ADGRB2: variants seen among roughly 807,000 people sequenced by gnomAD.
ADGRB2 encodes adhesion G protein-coupled receptor B2.
A neutral mutation model predicts 178.7 loss-of-function variants in ADGRB2; 47 were observed. The observed-to-expected ratio is 0.26, with a 90% CI of 0.21 to 0.34. The LOEUF (loss-of-function observed/expected upper bound fraction) is 0.34. Among genes scored for constraint, ADGRB2 ranks in the 10% least tolerant of loss-of-function variants. ADGRB2 has a pLI of 1.00. For missense variants in ADGRB2, 1,584 were observed against 2,180.8 expected, an observed-to-expected ratio of 0.73 and a Z score of 5.45; for synonymous variants, 870 against 912.4, an observed-to-expected ratio of 0.95 and a Z score of 0.84.
rs1645248160 is a variant in ADGRB2, at chr1:31,730,906, G to A, written c.4274C>T (p.Pro1425Leu). The change falls in exon 29 of 33, where the codon CCG (proline) becomes CTG (leucine). Residue 1425 changes from proline to leucine, a missense_variant. Coordinates refer to ENST00000373658, the MANE Select transcript of ADGRB2 (RefSeq NM_001364857.2). ...GCGGGCGCTGGGTGTCGGCGGTGGC[G>A]GTTGGAAGGTCATTCCATAGGGATT... ...LQNPYGMTFQ[P>L]PPPTPSARQV... The A allele has an allele frequency of 1.7e-5, 27 of 1,580,076 alleles. No homozygotes were observed. The highest frequency in any genetic ancestry group is 1.7e-4 in the Middle Eastern group (1 of 5,920).
chr1:31,736,630 C>G lies in ADGRB2; in HGVS notation c.3073G>C (p.Val1025Leu). 6.2e-7 allele frequency: 1 copy of G among 1,614,146 alleles called. No homozygotes were observed. Among genetic ancestry groups the G allele is most frequent in the Non-Finnish European group, 8.5e-7 (1 of 1,179,994 alleles). ...LTEAWQSYLA[V>L]IGRMRTRLVR... ...AGGCGGGTGCGCATCCGCCCAATGA[C>G]AGCCAGGTAGGACTGCCAGGCCTCG... Residue 1025 changes from valine (V) to leucine (L), a missense_variant, in exon 21 of 33, where the codon GTC (valine) becomes CTC (leucine). Physicochemically the swap from Val to Leu is conservative, Grantham distance 32. Transcript: ENST00000373658.
chr1:31,763,619 G>A (rs1418248951), intron 1 of ADGRB2, among the ~76,000 whole-genome samples: 1 of 148,564 alleles, frequency 6.7e-6, no homozygotes, highest in Non-Finnish European at 1.5e-5. Flanking sequence ...TAGCATAGAT[G>A]GGTAAGAGGG....
chr1:31,763,207 G>A (rs1242363810), intron 1 of ADGRB2, among the ~76,000 whole-genome samples: 1 of 151,040 alleles, frequency 6.6e-6, no homozygotes, highest in Non-Finnish European at 1.5e-5. Context: ...GCGCGGAGCA[G>A]ACACGGGGGA....
intron 7 of ADGRB2, 139 bp from the exon 8 acceptor site, chr1:31,742,356 A>AG (rs1309990706): frequency 8.1e-7 from 1 of 1,231,422 alleles, no homozygotes; most frequent in African/African-American, 1.5e-5. Flanking sequence ...TGGGGAGGGG[A>AG]GGGGGTTATG....
In ADGRB2 at chr1:31,754,568, C is replaced by T. The variant is rs755852579; in HGVS notation, c.838+1431G>A. On this transcript the variant is annotated intron_variant, in intron 4 of 32. Coordinates refer to ENST00000373658, the MANE Select transcript of ADGRB2 (RefSeq NM_001364857.2). This position sits in a 1 kb window ranked among gnomAD's most constrained non-coding sequence, Gnocchi z 5.7. ...GCCTCCAGGGCCTGTAACCTACCCG[C>T]GGCCCGGCTGTCACTCGGACGGCTT... 2.3e-4 allele frequency among the ~76,000 whole-genome samples: 35 copies of T among 152,250 alleles called. No homozygotes were observed. Among genetic ancestry groups the T allele is most frequent in the Non-Finnish European group, 4.1e-4 (28 of 68,042 alleles).
Position 31,728,746 on chromosome 1 carries a change from C to T in ADGRB2, c.4381-113G>A. The T allele has an allele frequency of 7.5e-7, 1 of 1,337,810 alleles. No individual in the cohort carries two copies. Among genetic ancestry groups the T allele is most frequent in the Non-Finnish European group, 1.1e-6 (1 of 942,418 alleles). The allele number at this position is 1,337,810 out of a possible 1,614,324, so 82.9% of individuals were successfully genotyped here. On this transcript the variant is annotated intron_variant, in intron 29 of 32. Coordinates refer to ENST00000373658, the MANE Select transcript of ADGRB2 (RefSeq NM_001364857.2). This position sits in a 1 kb window ranked among gnomAD's most constrained non-coding sequence, Gnocchi z 6.7. ...AGGGGTCTGCCCGCTGCACCTTCCC[C>T]CCAACCCAGGCCCAGAAGTTGCGGA...
In ADGRB2 at chr1:31,764,160, C is replaced by T. The variant is rs1647134780; in HGVS notation, c.-467G>A. The T allele has an allele frequency of 6.3e-6, 4 of 638,322 alleles. No homozygotes were observed. Among genetic ancestry groups the T allele is most frequent in the South Asian group, 6.6e-5 (1 of 15,042 alleles). 39.5% of individuals were successfully genotyped at this position (638,322 alleles called of 1,614,324 possible). ...CCGCGCCGCCCCCCGCTCCCCCGCT[C>T]CCCCGCCCCGAGCACCGCCCGCGCC... On this transcript the variant is annotated 5_prime_UTR_variant, in exon 1 of 33. Transcript: ENST00000373658. The surrounding 1 kb of genome is among the most constrained non-coding windows in gnomAD (Gnocchi z 7.3).
At position 31,730,979 on chromosome 1, in the gene ADGRB2, C is replaced by T. The variant is rs921117176; in HGVS notation, c.4201G>A (p.Val1401Met). Residue 1401 changes from valine to methionine, a missense_variant, in exon 29 of 33, where the codon GTG becomes ATG. Around this residue, in one of 3 missense-constraint regions of ADGRB2, gnomAD observed 865 missense variants for 1,192.8 expected, o/e 0.73. Coordinates refer to ENST00000373658, the MANE Select transcript of ADGRB2 (RefSeq NM_001364857.2). Reference protein sequence around the residue: ...HTEGYPSFLSVDHSGLGLGPA... With the variant: ...HTEGYPSFLSMDHSGLGLGPA... ...CCCAGCCCCAGGCCCGAGTGGTCCA[C>T]GGACAGGAAGCTGGGGTAGCCTTCA... 1.9e-6 allele frequency: 3 copies of T among 1,565,442 alleles called. No homozygotes were observed. Among genetic ancestry groups the T allele is most frequent in the Admixed American group, 3.6e-5 (2 of 55,278 alleles).
chr1:31,755,277 T>C lies in ADGRB2; in HGVS notation c.838+722A>G, dbSNP rs1028318541. ...AGAAGGCAGCCGTGGCTGAGGGAGC[T>C]GGGGTGGGAGCGGGAGCAGGCAGGA... On this transcript the variant is annotated intron_variant, in intron 4 of 32. Coordinates refer to ENST00000373658, the MANE Select transcript of ADGRB2 (RefSeq NM_001364857.2). This position sits in a 1 kb window ranked among gnomAD's most constrained non-coding sequence, Gnocchi z 5.1. Among the ~76,000 whole-genome samples the C allele has an allele frequency of 2.6e-5, 4 of 152,090 alleles. No individual in the cohort carries two copies. The highest frequency in any genetic ancestry group is 9.7e-5 in the African/African-American group (4 of 41,422).
rs1293899033 is a variant in ADGRB2 at position 31,758,623 on chromosome 1, C to T, written c.-190-1112G>A. 6.5e-6 allele frequency: 1 copy of T among 154,994 alleles called. No individual in the cohort carries two copies. Among genetic ancestry groups the T allele is most frequent in the Non-Finnish European group, 1.5e-5 (1 of 68,610 alleles). The allele number at this position is 154,994 out of a possible 1,614,324, so 9.6% of individuals were successfully genotyped here. A position where few individuals can be genotyped will look rare whatever the true frequency, so the allele number is the denominator to read the frequency against. On this transcript the variant is annotated intron_variant, in intron 1 of 32. Transcript: ENST00000373658. The surrounding 1 kb of genome is among the most constrained non-coding windows in gnomAD (Gnocchi z 4.2). ...ATCCCTTCATGCTGCACCTCCAAGC[C>T]AGGCCCAAGCAAGCATCTTCCCCTC...
At position 31,761,368 on chromosome 1, in the gene ADGRB2, GC is replaced by G. The variant is rs1647038412; in HGVS notation, c.-191+2515del. Among the ~76,000 whole-genome samples, 1 of 152,228 alleles carries G rather than the reference GC, an allele frequency of 6.6e-6. No homozygotes were observed. The highest frequency in any genetic ancestry group is 2.1e-4 in the South Asian group (1 of 4,836). The stretch of plus-strand genomic sequence containing the variant: ...TGCTAACTCTGACCCAAGGCAAAGG[GC>G]CCTGGGAAATTCCTGATGGTGTCTG... On this transcript the variant is annotated intron_variant, in intron 1 of 32. Transcript: ENST00000373658. The surrounding 1 kb of genome is among the most constrained non-coding windows in gnomAD (Gnocchi z 4.2).
At position 31,761,377 on chromosome 1, in the gene ADGRB2, A is replaced by T. The variant is rs2149077114; in HGVS notation, c.-191+2507T>A. Among the ~76,000 whole-genome samples, 1 of 152,322 alleles carries T rather than the reference A, an allele frequency of 6.6e-6. No individual in the cohort carries two copies. The highest frequency in any genetic ancestry group is 2.4e-5 in the African/African-American group (1 of 41,570). On this transcript the variant is annotated intron_variant, in intron 1 of 32. Transcript: ENST00000373658. This position sits in a 1 kb window ranked among gnomAD's most constrained non-coding sequence, Gnocchi z 4.2. Reference sequence around the variant, plus strand: ...TGACCCAAGGCAAAGGGCCCTGGGAAATTCCTGATGGTGTCTGACCTCCTG... The same window carrying T: ...TGACCCAAGGCAAAGGGCCCTGGGATATTCCTGATGGTGTCTGACCTCCTG...
Position 31,730,998 on chromosome 1 carries a change from G to A in ADGRB2, c.4182C>T (p.Gly1394=). 6.4e-7 allele frequency: 1 copy of A among 1,569,588 alleles called. No homozygotes were observed. The highest frequency in any genetic ancestry group is 1.2e-5 in the South Asian group (1 of 85,122). The change falls in exon 29 of 33, where the codon GGC becomes GGT. Residue 1394 remains glycine (G), a synonymous_variant. Transcript: ENST00000373658. ...GGTCCACGGACAGGAAGCTGGGGTA[G>A]CCTTCAGTGTGGGCCACTGTCTTGG... is the stretch of plus-strand genomic sequence containing the variant. ...RAAKTVAHTE[G]YPSFLSVDHS... is the part of the protein sequence containing the mutation.
Position 31,727,362 on chromosome 1 carries a change from G to A in ADGRB2, c.*58C>T. The stretch of plus-strand genomic sequence containing the variant: ...CTGGCTCCTGGGTAGTTCCAAAGTG[G>A]AGTGTGAAAATAGAGAGATATATAT... On this transcript the variant is annotated 3_prime_UTR_variant, in exon 33 of 33. Transcript: ENST00000373658. This position sits in a 1 kb window ranked among gnomAD's most constrained non-coding sequence, Gnocchi z 4.4. 1 of 1,510,698 alleles carries A rather than the reference G, an allele frequency of 6.6e-7. No homozygotes were observed. The highest frequency in any genetic ancestry group is 2.6e-5 in the Admixed American group (1 of 39,068). 93.6% of individuals were successfully genotyped at this position (1,510,698 alleles called of 1,614,324 possible). A position where few individuals can be genotyped will look rare whatever the true frequency, so the allele number is the denominator to read the frequency against.
Position 31,756,550 on chromosome 1 carries a change from C to A in ADGRB2, c.287G>T (p.Arg96Leu). 2 of 1,613,014 alleles carry A rather than the reference C, an allele frequency of 1.2e-6. No homozygotes were observed. The highest frequency in any genetic ancestry group is 1.7e-6 in the Non-Finnish European group (2 of 1,179,528). The change falls in exon 4 of 33, where the codon CGC becomes CTC. Residue 96 changes from arginine (R) to leucine (L), a missense_variant. Arg to Leu is a moderately radical substitution (Grantham distance 102, BLOSUM62 -2). Around this residue, in one of 3 missense-constraint regions of ADGRB2, gnomAD observed 657 missense variants for 847.6 expected, o/e 0.78. Coordinates refer to ENST00000373658, the MANE Select transcript of ADGRB2 (RefSeq NM_001364857.2). This position sits in a 1 kb window ranked among gnomAD's most constrained non-coding sequence, Gnocchi z 8.5. ...QEQVCAHFAP[R>L]LLPLDHYLVN... ...CAGGTAGTGGTCCAGGGGCAGCAGG[C>A]GGGGGGCAAAGTGTGCGCACACCTG...
In ADGRB2 at chr1:31,727,159, C is replaced by G. The variant is rs575655428; in HGVS notation, c.*261G>C. The G allele has an allele frequency of 1.1e-5, 5 of 438,300 alleles. No homozygotes were observed. Among genetic ancestry groups the G allele is most frequent in the East Asian group, 4.4e-5 (1 of 22,912 alleles). 27.2% of individuals were successfully genotyped at this position (438,300 alleles called of 1,614,324 possible). A position where few individuals can be genotyped will look rare whatever the true frequency, so the allele number is the denominator to read the frequency against. On this transcript the variant is annotated 3_prime_UTR_variant, in exon 33 of 33. Transcript: ENST00000373658. The surrounding 1 kb of genome is among the most constrained non-coding windows in gnomAD (Gnocchi z 4.4). ...ATTCCCAACAAAGTTCCCCTCCCCC[C>G]TCCCCAGCCCGGGACAGGGACGGAC...
In ADGRB2 at chr1:31,737,590, GC is replaced by G. The variant is rs1289272223; in HGVS notation, c.2877-60del. 1.5e-5 allele frequency: 24 copies of G among 1,611,014 alleles called. No homozygotes were observed. In the African/African-American group the frequency reaches 2.3e-4, roughly 15 times the overall value. ...TGGCTGCCCCATCCGACCTGGTGTG[GC>G]TGGCCACCTTCTGCGCCTGCCCCCC... On this transcript the variant is annotated intron_variant, in intron 19 of 32. Coordinates refer to ENST00000373658, the MANE Select transcript of ADGRB2 (RefSeq NM_001364857.2).
At chr1:31,750,590 A>AGCGCTGT (rs1260990855) in intron 4 of ADGRB2, among the ~76,000 whole-genome samples, 2 of 152,054 alleles carry the variant, frequency 1.3e-5, no homozygotes, top group Admixed American at 1.3e-4. Flanking sequence ...ACAGGGAGAG[A>AGCGCTGT]GCGCTGTGAT....
At chr1:31,736,897 G>A (rs1645639394) in intron 20 of ADGRB2, among the ~76,000 whole-genome samples, 174 bp from the exon 21 acceptor site, 1 of 152,144 alleles carries the variant, frequency 6.6e-6, no homozygotes, top group Non-Finnish European at 1.5e-5. Context: ...CACGACACGG[G>A]CCTGGTGACA....
Sources: gnomAD v4.1 joint callset for allele counts (sites outside exome capture counted in the v4.1 genomes callset) on GRCh38, gnomAD v4.1.1 for gene constraint, gnomAD v4.1.1 regional missense constraint, Gnocchi (gnomAD v3.1) non-coding constraint, MANE v1.5 for transcripts, NCBI Gene and HGNC (gene_info 2026-07-23, HGNC 2026-07-21) for gene names.